The following DPP6 variants were observed in gnomAD, a reference collection of about 807,000 sequenced individuals.
The protein encoded by DPP6 is dipeptidyl peptidase like 6, also known as A-type potassium channel modulatory protein DPP6.
DPP6 carries 69 observed loss-of-function variants against 122.6 expected under a neutral mutation model. The ratio of observed to expected loss-of-function variants is 0.56; its 90% CI spans 0.46 to 0.69. The LOEUF is 0.69. DPP6 is among the 30% of genes least tolerant of loss of function. DPP6 has a pLI of 0.00. For synonymous variants in DPP6, 418 were observed against 433.1 expected (o/e 0.97, Z 0.43); for missense variants, 928 against 1,116.9 (o/e 0.83, Z 2.41).
intron 1 of DPP6, among the ~76,000 whole-genome samples, chr7:154,176,028 A>C (rs1033025697): frequency 6.6e-6 from 1 of 152,070 alleles, no homozygotes; most frequent in African/African-American, 2.4e-5. Context: ...TTATGACCAA[A>C]ACTGTCTATG....
intron 1 of DPP6, among the ~76,000 whole-genome samples, chr7:154,045,545 C>T (rs936817155): frequency 2.0e-5 from 3 of 152,210 alleles, no homozygotes; most frequent in African/African-American, 7.2e-5. Flanking sequence ...GATGCTTTCG[C>T]TGTTGGTCCA....
chr7:154,222,572 T>C (rs1463542626), intron 1 of DPP6, among the ~76,000 whole-genome samples: 1 of 148,682 alleles, frequency 6.7e-6, no homozygotes, highest in African/African-American at 2.6e-5. Context: ...GGAGAATCAA[T>C]TGAACCCGGG....
intron 1 of DPP6, among the ~76,000 whole-genome samples, chr7:154,076,271 G>A (rs1262958629): frequency 1.3e-5 from 2 of 152,142 alleles, no homozygotes; most frequent in African/African-American, 2.4e-5. Context: ...CCAAAACGGT[G>A]AACCCCTGTC....
chr7:153,955,731 G>T (rs529668860), intron 1 of DPP6, among the ~76,000 whole-genome samples: 1 of 152,136 alleles, frequency 6.6e-6, no homozygotes, highest in African/African-American at 2.4e-5. Flanking sequence ...GAGTCACTGC[G>T]CCCGGCCCGT....
intron 1 of DPP6, among the ~76,000 whole-genome samples, chr7:154,435,283 A>G (rs1818766838): frequency 6.6e-6 from 1 of 151,918 alleles, no homozygotes; most frequent in African/African-American, 2.4e-5. Flanking sequence ...AAGAGGGAGG[A>G]ATGGGAGGGG....
At chr7:154,528,886 C>A (rs1309399208) in intron 3 of DPP6, among the ~76,000 whole-genome samples, 1 of 152,084 alleles carries the variant, frequency 6.6e-6, no homozygotes, top group Non-Finnish European at 1.5e-5. Flanking sequence ...TGAGGGAGTG[C>A]AGAGGATTGG....
At chr7:154,587,116 A>C (rs2130706667) in intron 5 of DPP6, 1 of 154,164 alleles carries the variant, frequency 6.5e-6, no homozygotes. Context: ...TGACAAGCAG[A>C]GAGGTGCTTC....
intron 1 of DPP6, among the ~76,000 whole-genome samples, chr7:154,281,202 G>C (rs532744341): frequency 6.6e-6 from 1 of 151,844 alleles, no homozygotes; most frequent in Non-Finnish European, 1.5e-5. Context: ...TAGTAGAGAC[G>C]GGGTTTCACT....
chr7:154,629,947 C>T (rs1440655484), intron 5 of DPP6, among the ~76,000 whole-genome samples: 1 of 152,174 alleles, frequency 6.6e-6, no homozygotes, highest in Non-Finnish European at 1.5e-5. Flanking sequence ...GTAAGAGTTT[C>T]GTGGACTCTA....
intron 1 of DPP6, among the ~76,000 whole-genome samples, chr7:154,192,421 C>T (rs1396416803): frequency 6.6e-6 from 1 of 152,232 alleles, no homozygotes; most frequent in Non-Finnish European, 1.5e-5. Flanking sequence ...CCTTCACTGC[C>T]TCTTGGTTCC....
chr7:154,060,409 AG>A (rs1279382735), intron 1 of DPP6, among the ~76,000 whole-genome samples: 10 of 56,730 alleles, frequency 1.8e-4, no homozygotes, highest in East Asian at 1.1e-3. Context: ...CCCATCGCAG[AG>A]GGGGGAGGCA....
chr7:154,305,427 A>G, intron 1 of DPP6: 1 of 1,296,528 alleles, frequency 7.7e-7, no homozygotes, highest in Non-Finnish European at 1.0e-6. Context: ...TACCGCTTGG[A>G]CTCTGGTGGC....
chr7:154,829,034 A>C (rs1378785753), intron 16 of DPP6, among the ~76,000 whole-genome samples: 1 of 152,198 alleles, frequency 6.6e-6, no homozygotes, highest in East Asian at 1.9e-4. Flanking sequence ...ATTCACATTT[A>C]TATTTATATT....
In DPP6 at chr7:154,021,950, C is replaced by T. The variant is rs549380198; in HGVS notation, c.51+134216C>T. Among the ~76,000 whole-genome samples the T allele has an allele frequency of 3.3e-5, 5 of 152,322 alleles. No homozygotes were observed. The South Asian group carries it at 6.2e-4, about 19-fold the overall frequency. On this transcript the variant is annotated intron_variant, in intron 1 of 25. Coordinates refer to the DPP6 transcript ENST00000404039. The stretch of plus-strand genomic sequence containing the variant: ...AATAATGTCCTACCAGCTATCTGGG[C>T]ATCCCATTGGCCGGTCAAGTTGATA...
chr7:153,825,551 C>CTTTTGTTTTG, the DPP6 span, among the ~76,000 whole-genome samples: 3 of 151,124 alleles, frequency 2.0e-5, no homozygotes, highest in Non-Finnish European at 3.0e-5. Context: ...CCATTTTTTT[C>CTTTTGTTTTG]TTTTGTTTTG....
intron 1 of DPP6, among the ~76,000 whole-genome samples, chr7:154,268,317 C>T (rs938150170): frequency 2.4e-4 from 37 of 152,256 alleles, no homozygotes; most frequent in African/African-American, 7.2e-4. Flanking sequence ...GGCTTATAAA[C>T]AAGAGAAATG....
intron 5 of DPP6, among the ~76,000 whole-genome samples, chr7:154,596,240 A>G (rs2130754079): frequency 6.6e-6 from 1 of 152,358 alleles, no homozygotes; most frequent in South Asian, 2.1e-4. Flanking sequence ...CCAAATTACA[A>G]AAACTATTGA....
chr7:154,278,327 A>T (rs1174039151), intron 1 of DPP6, among the ~76,000 whole-genome samples: 1 of 152,220 alleles, frequency 6.6e-6, no homozygotes, highest in Non-Finnish European at 1.5e-5. Context: ...AGAAAATTCT[A>T]AATGACTTTC....
intron 16 of DPP6, among the ~76,000 whole-genome samples, chr7:154,831,881 T>C (rs1370907310): frequency 6.6e-6 from 1 of 152,208 alleles, no homozygotes; most frequent in Non-Finnish European, 1.5e-5. Flanking sequence ...CTGAGCTGTG[T>C]ATAGTCAGCT....
Sources: allele counts gnomAD v4.1 joint callset (sites outside exome capture counted in the v4.1 genomes callset), GRCh38; gene constraint gnomAD v4.1.1; transcripts MANE v1.5; gene names NCBI Gene and HGNC (gene_info 2026-07-23, HGNC 2026-07-21).